ANO6: variants seen among roughly 807,000 people sequenced by gnomAD.
ANO6 encodes anoctamin 6.
ANO6 carries 106 observed loss-of-function variants against 117.5 expected under a neutral mutation model. The ratio of observed to expected loss-of-function variants is 0.90; its 90% confidence interval spans 0.77 to 1.06. The LOEUF is 1.06. Ranked by LOEUF, ANO6 falls within the 50% of genes least tolerant of loss-of-function variation. The pLI, the probability that ANO6 is intolerant of heterozygous loss-of-function variation, is 0.00. For synonymous variants in ANO6, 367 were observed against 385.1 expected (o/e 0.95, Z 0.55); for missense variants, 955 against 1,121.1 (o/e 0.85, Z 2.12).
intron 12 of ANO6, among the ~76,000 whole-genome samples, chr12:45,395,442 C>T (rs1942583543): frequency 6.6e-6 from 1 of 152,112 alleles, no homozygotes. Flanking sequence ...TTCCTTCTGA[C>T]ACCATTCCAA....
intron 2 of ANO6, among the ~76,000 whole-genome samples, chr12:45,311,033 G>T (rs1489735034): frequency 6.6e-6 from 1 of 152,022 alleles, no homozygotes; most frequent in East Asian, 1.9e-4. Flanking sequence ...AATGGAGGTT[G>T]TTAGATTGAC....
At chr12:45,278,793 A>C (rs1256075593) in intron 1 of ANO6, among the ~76,000 whole-genome samples, 1 of 152,204 alleles carries the variant, frequency 6.6e-6, no homozygotes, top group African/African-American at 2.4e-5. Context: ...GCTGTCTAGA[A>C]AGATGGCTGG....
chr12:45,427,300 G>A (rs116353204), intron 19 of ANO6, among the ~76,000 whole-genome samples: 3,087 of 152,136 alleles, frequency 0.02, 45 homozygotes, highest in Middle Eastern at 0.037. Context: ...TGGCACACAA[G>A]GCCTCATGGA....
In ANO6 at chr12:45,324,138, T is replaced by C. The variant is rs150176237; in HGVS notation, c.151-7157T>C. On this transcript the variant is annotated intron_variant, in intron 2 of 19. Coordinates refer to ENST00000320560, the MANE Select transcript of ANO6 (RefSeq NM_001025356.3). ...TTTTAGTAGAGACGGAGTTTCTCCA[T>C]GTTGAGGCTGGTCTCGAACTCCTGA... 9.6e-3 allele frequency among the ~76,000 whole-genome samples: 1,461 copies of C among 152,224 alleles called. 25 individuals are homozygous for C. Among genetic ancestry groups the C allele is most frequent in the African/African-American group, 0.033 (1,375 of 41,560 alleles).
intron 16 of ANO6, among the ~76,000 whole-genome samples, chr12:45,414,096 T>C (rs1306864630): frequency 1.3e-5 from 2 of 151,936 alleles, no homozygotes; most frequent in Non-Finnish European, 2.9e-5. Context: ...TCCAGTGCAG[T>C]GGTGAGGGTC....
intron 10 of ANO6, among the ~76,000 whole-genome samples, chr12:45,383,037 G>T (rs779772063): frequency 6.6e-6 from 1 of 152,132 alleles, no homozygotes; most frequent in Non-Finnish European, 1.5e-5. Context: ...TTTACCCATA[G>T]TAGAACTTCT....
At chr12:45,382,179 A>G (rs1324712830) in intron 10 of ANO6, among the ~76,000 whole-genome samples, 1 of 152,186 alleles carries the variant, frequency 6.6e-6, no homozygotes, top group African/African-American at 2.4e-5. Flanking sequence ...TACTGACATA[A>G]TTGCATTATT....
intron 1 of ANO6, among the ~76,000 whole-genome samples, chr12:45,272,016 A>G (rs547987981): frequency 6.6e-6 from 1 of 152,334 alleles, no homozygotes; most frequent in South Asian, 2.1e-4. Flanking sequence ...GTCACCATAT[A>G]TCATGGAAAA....
At chr12:45,371,951 T>C (rs1041538219) in intron 9 of ANO6, among the ~76,000 whole-genome samples, 25 of 151,968 alleles carry the variant, frequency 1.6e-4, no homozygotes, top group Admixed American at 1.4e-3. Flanking sequence ...GCAAAGAAGT[T>C]GAAAACTTTG....
intron 1 of ANO6, among the ~76,000 whole-genome samples, chr12:45,252,088 A>G (rs1353835826): frequency 6.6e-6 from 1 of 152,212 alleles, no homozygotes; most frequent in African/African-American, 2.4e-5. Context: ...AACATCTTCC[A>G]TGAGTTTTAA....
At chr12:45,387,004 A>G (rs1297422908) in intron 10 of ANO6, among the ~76,000 whole-genome samples, 3 of 152,210 alleles carry the variant, frequency 2.0e-5, no homozygotes, top group South Asian at 2.1e-4. Context: ...ATAATCAACT[A>G]TACCTGTCAG....
chr12:45,289,170 C>T (rs1592921643), intron 1 of ANO6, among the ~76,000 whole-genome samples: 1 of 135,708 alleles, frequency 7.4e-6, no homozygotes. Context: ...ATTATTATTA[C>T]TTTTTTTTTT....
chr12:45,391,475 A>G (rs908808621), intron 12 of ANO6, among the ~76,000 whole-genome samples: 9 of 152,342 alleles, frequency 5.9e-5, no homozygotes, highest in Non-Finnish European at 1.3e-4. Flanking sequence ...AGATTATTCA[A>G]TAAATAGTAA....
rs919727708 is a variant in ANO6, at chr12:45,431,376, T to C, written c.*2065T>C. 3.0e-6 allele frequency: 3 copies of C among 985,422 alleles called. No homozygotes were observed. The South Asian group carries it at 1.4e-4, about 46-fold the overall frequency. 61.0% of individuals were successfully genotyped at this position (985,422 alleles called of 1,614,324 possible). On this transcript the variant is annotated 3_prime_UTR_variant, in exon 20 of 20. Transcript: ENST00000320560. ...GTGACTATCTCCTAGTGTTTAAATT[T>C]GGCAGTTACTCGCCATGTATGTCAG...
rs376080666 is a variant in ANO6 at position 45,390,403 on chromosome 12, T to C, written c.1309-18T>C. 2.1e-5 allele frequency: 34 copies of C among 1,605,728 alleles called. No homozygotes were observed. The African/African-American group carries it at 3.9e-4, about 18-fold the overall frequency. The stretch of plus-strand genomic sequence containing the variant: ...AGTAATCCCTTGATTGACTAAACTT[T>C]TTTGTTTTTGTAATTAGGAAGAAGA... On this transcript the variant is annotated intron_variant, in intron 11 of 19. Transcript: ENST00000320560.
At chr12:45,320,536 C>CAACT (rs1457742346) in intron 2 of ANO6, among the ~76,000 whole-genome samples, 2 of 152,152 alleles carry the variant, frequency 1.3e-5, no homozygotes, top group Non-Finnish European at 2.9e-5. Context: ...GCTTTACTTC[C>CAACT]AACTACGTGG....
intron 2 of ANO6, among the ~76,000 whole-genome samples, chr12:45,311,443 T>A (rs1231786236): frequency 6.6e-6 from 1 of 152,098 alleles, no homozygotes; most frequent in Non-Finnish European, 1.5e-5. Flanking sequence ...TACTAGGCTT[T>A]TCCTGCTCAG....
chr12:45,413,225 G>T (rs527762419), intron 16 of ANO6, among the ~76,000 whole-genome samples: 1 of 152,198 alleles, frequency 6.6e-6, no homozygotes, highest in Non-Finnish European at 1.5e-5. Flanking sequence ...GATTTAGGAG[G>T]CTACAGCAGG....
chr12:45,386,394 T>A (rs553428249), intron 10 of ANO6, among the ~76,000 whole-genome samples: 1 of 152,344 alleles, frequency 6.6e-6, no homozygotes, highest in South Asian at 2.1e-4. Context: ...TGTCTCCTCT[T>A]GCACACTTGA....
Sources: allele counts gnomAD v4.1 joint callset (sites outside exome capture counted in the v4.1 genomes callset), GRCh38; gene constraint gnomAD v4.1.1; transcripts MANE v1.5; gene names NCBI Gene and HGNC (gene_info 2026-07-23, HGNC 2026-07-21).